USP34: variants seen among roughly 807,000 people sequenced by gnomAD.
The protein encoded by USP34 is ubiquitin specific peptidase 34, also known as ubiquitin carboxyl-terminal hydrolase 34.
In USP34, 70 loss-of-function variants were observed where a neutral mutation model predicts 460.3. The observed-to-expected ratio is 0.15, with a 90% CI of 0.13 to 0.19. The LOEUF (loss-of-function observed/expected upper bound fraction) is 0.19, where lower values mean the gene tolerates loss of function less well. Ranked by LOEUF, USP34 falls within the 10% of genes least tolerant of loss-of-function variation. The probability of loss-of-function intolerance (pLI) is 1.00; values close to 1 mark genes in which losing one functional copy is unlikely to be tolerated. For missense variants in USP34, 3,985 were observed against 4,236.2 expected (o/e 0.94, Z 1.65); for synonymous variants, 1,647 against 1,405.3 (o/e 1.17, Z -3.85).
At position 61,203,328 on chromosome 2, in the gene USP34, A is replaced by T. The variant is rs971488582; in HGVS notation, c.9385-65T>A. ...TATAATAAAGAGCATATTTTGTGCA[A>T]ATGTAATAAGTTTAACTAAAAAGCT... On this transcript the variant is annotated intron_variant, in intron 74 of 79. Transcript: ENST00000398571. 8 of 1,355,410 alleles carry T rather than the reference A, an allele frequency of 5.9e-6. No homozygotes were observed. In the African/African-American group the frequency reaches 1.0e-4, roughly 18 times the overall value. 84.0% of individuals were successfully genotyped at this position (1,355,410 alleles called of 1,614,324 possible). A position where few individuals can be genotyped will look rare whatever the true frequency, so the allele number is the denominator to read the frequency against.
At position 61,443,843 on chromosome 2, in the gene USP34, T is replaced by C. The variant is rs559335459; in HGVS notation, c.44-23010A>G. 2.8e-4 allele frequency among the ~76,000 whole-genome samples: 42 copies of C among 152,312 alleles called. No individual in the cohort carries two copies. The East Asian group carries it at 7.7e-3, about 28-fold the overall frequency. On this transcript the variant is annotated intron_variant, in intron 1 of 79. Transcript: ENST00000398571. ...GATATGTTAACGTAGATTCACCAAGTGTAACAAATGTACCACTCACTCTGG... is the reference window on the plus strand; with the variant it reads ...GATATGTTAACGTAGATTCACCAAGCGTAACAAATGTACCACTCACTCTGG...
At chr2:61,459,842 C>T (rs1695549098) in intron 1 of USP34, among the ~76,000 whole-genome samples, 1 of 151,310 alleles carries the variant, frequency 6.6e-6, no homozygotes, top group African/African-American at 2.4e-5. Flanking sequence ...GGCAGATCAC[C>T]TGAGGTCAGG....
At chr2:61,316,223 T>C (rs1343932529) in intron 23 of USP34, among the ~76,000 whole-genome samples, 2 of 151,442 alleles carry the variant, frequency 1.3e-5, no homozygotes, top group Non-Finnish European at 2.9e-5. Flanking sequence ...CTAAAAAAAC[T>C]GAAAAAACCT....
intron 1 of USP34, among the ~76,000 whole-genome samples, chr2:61,435,858 A>T (rs1349246923): frequency 2.6e-5 from 4 of 151,910 alleles, no homozygotes; most frequent in African/African-American, 9.7e-5. Context: ...GTAAAACCTC[A>T]TCTCTACTAA....
intron 35 of USP34, among the ~76,000 whole-genome samples, chr2:61,283,873 G>A (rs920586198): frequency 6.8e-6 from 1 of 146,774 alleles, no homozygotes; most frequent in African/African-American, 2.5e-5. Context: ...CTGAAGAAGA[G>A]TCAAACTCAT....
At chr2:61,347,425 G>C (rs1392617249) in intron 15 of USP34, among the ~76,000 whole-genome samples, 1 of 152,118 alleles carries the variant, frequency 6.6e-6, no homozygotes, top group Non-Finnish European at 1.5e-5. Context: ...CCAGGATGGA[G>C]TGCAGTGGTG....
In USP34 at chr2:61,214,186, T is replaced by G; in HGVS notation, c.8556A>C (p.Pro2852=). Residue 2852 remains proline, a synonymous_variant, in exon 68 of 80, where the codon CCA becomes CCC. Coordinates refer to ENST00000398571, the MANE Select transcript of USP34 (RefSeq NM_014709.4). ...AGAGCCTCAGAATGCCATAGTACGC[T>G]GGCAGCATCCCACGGTTAAAAAGCA... ...DVVLFNRGML[P]AYYGILRLCC... is the part of the protein sequence containing the mutation. 6.2e-7 allele frequency: 1 copy of G among 1,614,226 alleles called. No homozygotes were observed. The highest frequency in any genetic ancestry group is 1.1e-5 in the South Asian group (1 of 91,088).
chr2:61,357,688 A>G (rs931058282), intron 10 of USP34, among the ~76,000 whole-genome samples: 4 of 151,962 alleles, frequency 2.6e-5, no homozygotes, highest in African/African-American at 9.7e-5. Flanking sequence ...ACTGCTTTAC[A>G]TCAGAAGTTC....
intron 7 of USP34, among the ~76,000 whole-genome samples, chr2:61,379,032 C>T (rs973998699): frequency 2.0e-5 from 3 of 146,876 alleles, no homozygotes; most frequent in African/African-American, 5.0e-5. Context: ...AACAATTTAA[C>T]GCAAGAGAGC....
intron 29 of USP34, among the ~76,000 whole-genome samples, chr2:61,300,346 G>A (rs1030568231): frequency 6.6e-5 from 10 of 151,682 alleles, no homozygotes; most frequent in African/African-American, 2.4e-4. Flanking sequence ...ACGGCACCAT[G>A]CCCAGCTAAT....
intron 20 of USP34, among the ~76,000 whole-genome samples, chr2:61,327,090 C>T (rs1434975643): frequency 1.3e-5 from 2 of 151,932 alleles, no homozygotes; most frequent in African/African-American, 4.8e-5. Flanking sequence ...ACAGCCTGGG[C>T]ATCTTAATTC....
At chr2:61,319,498 G>C (rs1474581890) in intron 21 of USP34, among the ~76,000 whole-genome samples, 171 bp from the exon 22 acceptor site, 1 of 151,014 alleles carries the variant, frequency 6.6e-6, no homozygotes, top group South Asian at 2.1e-4. Flanking sequence ...TATGTTAATT[G>C]ATATAAATAA....
intron 23 of USP34, among the ~76,000 whole-genome samples, chr2:61,316,549 C>T (rs1690754602): frequency 6.6e-6 from 1 of 152,020 alleles, no homozygotes; most frequent in African/African-American, 2.4e-5. Context: ...TGTGCCACTG[C>T]ACTCCAGCCT....
chr2:61,294,811 G>T, intron 32 of USP34, 138 bp downstream of exon 32: 1 of 732,216 alleles, frequency 1.4e-6, no homozygotes, highest in Non-Finnish European at 2.2e-6. Context: ...GCAACTTAAA[G>T]TAATACATGA....
intron 38 of USP34, among the ~76,000 whole-genome samples, chr2:61,280,792 AT>A (rs1324694367): frequency 6.6e-6 from 1 of 152,182 alleles, no homozygotes; most frequent in African/African-American, 2.4e-5. Flanking sequence ...TCCATTTATG[AT>A]TTTTTATTAG....
chr2:61,452,054 G>C (rs1408892233), intron 1 of USP34, among the ~76,000 whole-genome samples: 2 of 150,970 alleles, frequency 1.3e-5, no homozygotes, highest in South Asian at 4.2e-4. Flanking sequence ...GGCGCCTGTA[G>C]TCCCAGCTAC....
chr2:61,251,656 TG>T (rs1558491729), intron 48 of USP34, among the ~76,000 whole-genome samples: 1 of 152,226 alleles, frequency 6.6e-6, no homozygotes, highest in Non-Finnish European at 1.5e-5. Context: ...TCCTATCCTT[TG>T]TCCTCAACTT....
rs368884611 is a variant in USP34, at chr2:61,214,111, G to A, written c.8631C>T (p.Asn2877=). Residue 2877 remains asparagine (N), a synonymous_variant, in exon 68 of 80, where the codon AAC becomes AAT. Transcript: ENST00000398571. ...TAAGATTCTTAAAGGCCCACTGGAT[G>A]TTCTGGTGAGAAGCCAGTTGTCGTG... The part of the protein sequence containing the change: ...AFTRQLASHQ[N]IQWAFKNLTP... 3.1e-6 allele frequency: 5 copies of A among 1,614,112 alleles called. No homozygotes were observed. The highest frequency in any genetic ancestry group is 2.7e-5 in the African/African-American group (2 of 74,942).
At chr2:61,376,416 T>C (rs558290517) in intron 8 of USP34, among the ~76,000 whole-genome samples, 1 of 152,336 alleles carries the variant, frequency 6.6e-6, no homozygotes, top group South Asian at 2.1e-4. Flanking sequence ...CTTGCATTTG[T>C]TATTGGAATT....
Sources: allele counts gnomAD v4.1 joint callset (sites outside exome capture counted in the v4.1 genomes callset), GRCh38; gene constraint gnomAD v4.1.1; transcripts MANE v1.5; gene names NCBI Gene and HGNC (gene_info 2026-07-23, HGNC 2026-07-21).